Variants in LOXHD1 observed in about 807,000 individuals in gnomAD.
The protein encoded by LOXHD1 is lipoxygenase homology PLAT domains 1.
Under a neutral mutation model 248.2 loss-of-function variants are expected in LOXHD1, and 205 were observed. That is an observed-to-expected ratio of 0.83 (90% CI 0.74 to 0.93). LOXHD1 has a LOEUF of 0.93. LOXHD1 is among the 40% of genes least tolerant of loss of function. LOXHD1 has a pLI of 0.00. For missense variants in LOXHD1, 2,930 were observed against 2,971.6 expected, an observed-to-expected ratio of 0.99 and a Z score of 0.33; for synonymous variants, 1,113 against 1,162.8, an observed-to-expected ratio of 0.96 and a Z score of 0.87.
chr18:46,518,374 G>T, intron 33 of LOXHD1, 118 bp from the exon 34 acceptor site: 1 of 1,268,784 alleles, frequency 7.9e-7, no homozygotes, highest in Non-Finnish European at 1.1e-6. Flanking sequence ...TCTGGAAAGA[G>T]CCCTTCCTCA....
At position 46,477,340 on chromosome 18, in the gene LOXHD1, C is replaced by T. The variant is rs2032083285; in HGVS notation, c.*132G>A. On this transcript the variant is annotated 3_prime_UTR_variant, in exon 41 of 41. Transcript: ENST00000642948. The stretch of plus-strand genomic sequence containing the variant: ...TGGGGGTAGGGTGGGGAGCAGGACC[C>T]CATGAAGTTCTCAGTGGACTGCTAG... The T allele has an allele frequency of 2.4e-6, 3 of 1,237,432 alleles. No homozygotes were observed. The highest frequency in any genetic ancestry group is 2.0e-5 in the Admixed American group (1 of 50,268). 76.7% of individuals were successfully genotyped at this position (1,237,432 alleles called of 1,614,324 possible). A position where few individuals can be genotyped will look rare whatever the true frequency, so the allele number is the denominator to read the frequency against.
chr18:46,602,316 G>T, intron 7 of LOXHD1, among the ~76,000 whole-genome samples: 1 of 152,072 alleles, frequency 6.6e-6, no homozygotes, highest in Admixed American at 6.5e-5. Context: ...AGCGATTCTC[G>T]TGTCTCAGCC....
intron 7 of LOXHD1, chr18:46,601,804 C>G: frequency 3.1e-6 from 1 of 323,652 alleles, no homozygotes. Flanking sequence ...AATTACCATG[C>G]GTACATTATT....
intron 8 of LOXHD1, among the ~76,000 whole-genome samples, chr18:46,599,539 G>A (rs372263947): frequency 2.0e-5 from 3 of 152,146 alleles, no homozygotes; most frequent in African/African-American, 4.8e-5. Flanking sequence ...TCTGAGATAA[G>A]TGGATTTCTT....
chr18:46,646,167 G>T (rs1406454730), intron 2 of LOXHD1, among the ~76,000 whole-genome samples: 1 of 152,314 alleles, frequency 6.6e-6, no homozygotes, highest in African/African-American at 2.4e-5. Flanking sequence ...AACACAGTGT[G>T]GAGGGGATGG....
intron 5 of LOXHD1, among the ~76,000 whole-genome samples, chr18:46,613,942 G>A (rs542910036): frequency 2.8e-4 from 43 of 152,180 alleles, no homozygotes; most frequent in African/African-American, 1.0e-3. Flanking sequence ...TAATATTTAA[G>A]ATTTTTAGGT....
At position 46,560,391 on chromosome 18, in the gene LOXHD1, T is replaced by C. The variant is rs1408168985; in HGVS notation, c.2753A>G (p.Lys918Arg). The C allele has an allele frequency of 1.9e-6, 3 of 1,551,846 alleles. No individual in the cohort carries two copies. The Admixed American group carries it at 5.9e-5, about 30-fold the overall frequency. ...CAGCTGCCGCAGCTTGTCCTTCTCC[T>C]TCTTCTTCCGGGCCTCCTCCTCCGG... ...LTPEEEARKKKEKDKLRQLLK... is the reference protein window; with the variant it reads ...LTPEEEARKKREKDKLRQLLK... The change falls in exon 19 of 41, where the codon AAG becomes AGG. Residue 918 changes from lysine (K) to arginine (R), a missense_variant. Lys to Arg is a conservative substitution (Grantham distance 26). Transcript: ENST00000642948.
intron 37 of LOXHD1, among the ~76,000 whole-genome samples, chr18:46,494,269 C>T (rs990254598): frequency 6.6e-5 from 10 of 152,164 alleles, no homozygotes; most frequent in African/African-American, 2.2e-4. Context: ...TTAATTGTAT[C>T]ACAGTGGTAT....
chr18:46,505,977 G>C lies in LOXHD1; in HGVS notation c.5739C>G (p.Asn1913Lys), dbSNP rs756448029. Residue 1913 changes from asparagine (N) to lysine (K), a missense_variant, in exon 37 of 41, where the codon AAC (asparagine) becomes AAG (lysine). Physicochemically the swap from Asn to Lys is moderately conservative, Grantham distance 94. Coordinates refer to ENST00000642948, the MANE Select transcript of LOXHD1 (RefSeq NM_001384474.1). Reference protein sequence around the residue: ...ANVFIIIFGENGDSGTLALKQ... With the variant: ...ANVFIIIFGEKGDSGTLALKQ... ...TCAGGGCCAGTGTCCCACTATCCCC[G>C]TTCTCCCCGAAGATGATGATGAACA... The C allele has an allele frequency of 1.3e-6, 2 of 1,552,198 alleles. No individual in the cohort carries two copies. The highest frequency in any genetic ancestry group is 4.9e-5 in the East Asian group (2 of 40,918).
At chr18:46,653,246 CA>C (rs1402080870) in intron 1 of LOXHD1, among the ~76,000 whole-genome samples, 7 of 150,822 alleles carry the variant, frequency 4.6e-5, no homozygotes, top group African/African-American at 9.7e-5. Context: ...GACTCCATCT[CA>C]AAAAAAAAGT....
At chr18:46,649,345 C>A (rs1282320546) in intron 1 of LOXHD1, 76 bp from the exon 2 acceptor site, 13 of 1,304,758 alleles carry the variant, frequency 1.0e-5, no homozygotes, top group Non-Finnish European at 8.5e-6. Context: ...GAGAATCCAG[C>A]CCTTGCTGGG....
At chr18:46,566,673 T>A (rs1222672935) in intron 16 of LOXHD1, among the ~76,000 whole-genome samples, 1 of 152,112 alleles carries the variant, frequency 6.6e-6, no homozygotes, top group African/African-American at 2.4e-5. Flanking sequence ...TCCCTTCTCC[T>A]AAGCCCAGCA....
At chr18:46,625,747 G>T (rs1397375122) in intron 4 of LOXHD1, among the ~76,000 whole-genome samples, 1 of 152,116 alleles carries the variant, frequency 6.6e-6, no homozygotes, top group African/African-American at 2.4e-5. Flanking sequence ...CACTCCTTCA[G>T]CTTATCCTGC....
At chr18:46,633,296 A>G (rs1274178226) in intron 4 of LOXHD1, among the ~76,000 whole-genome samples, 1 of 152,242 alleles carries the variant, frequency 6.6e-6, no homozygotes, top group African/African-American at 2.4e-5. Context: ...GTGGAATAGA[A>G]CAGAGAGCCC....
At chr18:46,603,494 C>A (rs1013514532) in intron 7 of LOXHD1, among the ~76,000 whole-genome samples, 1 of 152,100 alleles carries the variant, frequency 6.6e-6, no homozygotes, top group Non-Finnish European at 1.5e-5. Context: ...CTCAGATGTA[C>A]ACAATATCAA....
intron 21 of LOXHD1, among the ~76,000 whole-genome samples, chr18:46,556,252 C>A (rs565050317): frequency 1.6e-4 from 24 of 152,008 alleles, no homozygotes; most frequent in Non-Finnish European, 2.8e-4. Flanking sequence ...CTGGTCTTTA[C>A]ACAAAATGTT....
intron 9 of LOXHD1, 39 bp downstream of exon 9, chr18:46,594,292 G>C: frequency 1.3e-6 from 2 of 1,550,484 alleles, no homozygotes; most frequent in Non-Finnish European, 1.7e-6. Flanking sequence ...TGCTGACCCT[G>C]GCTGAGAGGC....
In LOXHD1 at chr18:46,522,224, C is replaced by T. The variant is rs1434313029; in HGVS notation, c.4962G>A (p.Glu1654=). Residue 1654 remains glutamate, a synonymous_variant, in exon 32 of 41, where the codon GAG becomes GAA. Transcript: ENST00000642948. ...AGATGCGCTTACTACGTTCATCATC[C>T]TCCCCGATGAGAAAGATGAAGGCTC... ...DSRAFIFLIG[E]DDERSKRIWL... is the part of the protein sequence containing the mutation. 5 of 1,551,862 alleles carry T rather than the reference C, an allele frequency of 3.2e-6. No homozygotes were observed. The East Asian group carries it at 9.8e-5, about 30-fold the overall frequency.
chr18:46,524,562 C>T lies in LOXHD1; in HGVS notation c.4780G>A (p.Ala1594Thr). 1 of 1,551,742 alleles carries T rather than the reference C, an allele frequency of 6.4e-7. No individual in the cohort carries two copies. The highest frequency in any genetic ancestry group is 8.7e-7 in the Non-Finnish European group (1 of 1,147,006). Residue 1594 changes from alanine (A) to threonine (T), a missense_variant, in exon 31 of 41, where the codon GCT becomes ACT. Transcript: ENST00000642948. ...CTCAGGGCGATCTCCCAGAAGTCAG[C>T]AGGGCTGCTGCAGTTGCTGCTGCGG... ...GDRSSNCSSPADFWEIALSSK... is the reference protein window; with the variant it reads ...GDRSSNCSSPTDFWEIALSSK...
Sources: gnomAD v4.1 joint callset for allele counts (sites outside exome capture counted in the v4.1 genomes callset) on GRCh38, gnomAD v4.1.1 for gene constraint, MANE v1.5 for transcripts, NCBI Gene and HGNC (gene_info 2026-07-23, HGNC 2026-07-21) for gene names.